Variants in GPC5 observed in about 807,000 individuals in gnomAD.
The protein encoded by GPC5 is glypican-5.
Under a neutral mutation model 53.9 loss-of-function variants are expected in GPC5, and 47 were observed. The ratio of observed to expected loss-of-function variants is 0.87; its 90% CI spans 0.69 to 1.11. The LOEUF (loss-of-function observed/expected upper bound fraction) is 1.11. GPC5 is among the 50% of genes most tolerant of loss of function. The pLI, the probability that GPC5 is intolerant of heterozygous loss-of-function variation, is 0.00. For synonymous variants in GPC5, 286 were observed against 263.3 expected (o/e 1.09, Z -0.84); for missense variants, 748 against 713.1 (o/e 1.05, Z -0.56).
At chr13:91,616,322 C>T (rs2033694924) in intron 2 of GPC5, among the ~76,000 whole-genome samples, 1 of 152,154 alleles carries the variant, frequency 6.6e-6, no homozygotes, top group Admixed American at 6.5e-5. Flanking sequence ...CAAATCAAGA[C>T]TTGGTAAAAT....
intron 7 of GPC5, among the ~76,000 whole-genome samples, chr13:92,385,585 A>C (rs1874638934): frequency 7.2e-6 from 1 of 138,862 alleles, no homozygotes; most frequent in South Asian, 2.2e-4. Context: ...TATATAATAT[A>C]TACGCATATA....
At chr13:92,841,440 A>C (rs1220812918) in intron 7 of GPC5, among the ~76,000 whole-genome samples, 2 of 152,136 alleles carry the variant, frequency 1.3e-5, no homozygotes, top group East Asian at 3.8e-4. Flanking sequence ...GTATATTTTT[A>C]ATACTAATCA....
chr13:91,744,214 G>T (rs752093514), intron 4 of GPC5, among the ~76,000 whole-genome samples: 1 of 152,002 alleles, frequency 6.6e-6, no homozygotes, highest in Non-Finnish European at 1.5e-5. Flanking sequence ...ACATATTTTG[G>T]ATGGCATAAT....
At chr13:92,271,973 C>A (rs71427542) in intron 7 of GPC5, among the ~76,000 whole-genome samples, 1 of 152,128 alleles carries the variant, frequency 6.6e-6, no homozygotes, top group African/African-American at 2.4e-5. Flanking sequence ...AATAGGATGA[C>A]GGGAGTCAAT....
chr13:92,505,124 GTTTAC>G (rs1427709462), intron 7 of GPC5, among the ~76,000 whole-genome samples: 2 of 151,636 alleles, frequency 1.3e-5, no homozygotes, highest in African/African-American at 4.8e-5. Context: ...TAAAGTTACT[GTTTAC>G]TTTAACAGTA....
intron 5 of GPC5, among the ~76,000 whole-genome samples, chr13:91,865,070 C>G (rs1338764244): frequency 6.6e-6 from 1 of 151,868 alleles, no homozygotes; most frequent in East Asian, 1.9e-4. Context: ...TGACACCACA[C>G]CCGGCTAATT....
At chr13:91,422,211 A>G (rs1296733346) in intron 1 of GPC5, among the ~76,000 whole-genome samples, 1 of 152,262 alleles carries the variant, frequency 6.6e-6, no homozygotes, top group Non-Finnish European at 1.5e-5. Context: ...TAGCTTTGGT[A>G]AGGTGCGTAT....
chr13:92,830,316 T>C (rs977220530), intron 7 of GPC5, among the ~76,000 whole-genome samples: 10 of 152,278 alleles, frequency 6.6e-5, no homozygotes, highest in Non-Finnish European at 1.0e-4. Context: ...TGCATATCCT[T>C]GGATCCTACA....
chr13:91,859,667 G>T (rs550486985), intron 5 of GPC5, among the ~76,000 whole-genome samples: 2 of 151,862 alleles, frequency 1.3e-5, no homozygotes, highest in East Asian at 3.9e-4. Context: ...TTACTAGTAT[G>T]TAACAACTTT....
rs534193306 is a variant in GPC5, at chr13:92,160,198, A to G, written c.1561+15209A>G. Among the ~76,000 whole-genome samples, 3 of 152,290 alleles carry G rather than the reference A, an allele frequency of 2.0e-5. No individual in the cohort carries two copies. The South Asian group carries it at 6.2e-4, about 32-fold the overall frequency. ...GTGCTGGGATTATAGGCATGAAAGT[A>G]TCTATGTTCTTTTACATCCTATTTT... is the stretch of plus-strand genomic sequence containing the variant. On this transcript the variant is annotated intron_variant, in intron 7 of 7. Coordinates refer to ENST00000377067, the MANE Select transcript of GPC5 (RefSeq NM_004466.6).
chr13:92,681,367 C>G (rs1049397117), intron 7 of GPC5, among the ~76,000 whole-genome samples: 1 of 151,518 alleles, frequency 6.6e-6, no homozygotes, highest in Non-Finnish European at 1.5e-5. Flanking sequence ...CTGAGTGCCC[C>G]AACCCAATCT....
chr13:92,485,342 T>G (rs1879513526), intron 7 of GPC5, among the ~76,000 whole-genome samples: 1 of 152,210 alleles, frequency 6.6e-6, no homozygotes, highest in African/African-American at 2.4e-5. Context: ...CAAATATTTT[T>G]GGGTGCTAGT....
intron 7 of GPC5, among the ~76,000 whole-genome samples, chr13:92,796,848 C>A (rs868611397): frequency 1.3e-5 from 2 of 151,800 alleles, no homozygotes; most frequent in South Asian, 4.2e-4. Flanking sequence ...CAATAAATAA[C>A]CCTCACATTT....
At chr13:92,030,728 G>C (rs547468250) in intron 6 of GPC5, among the ~76,000 whole-genome samples, 1 of 152,154 alleles carries the variant, frequency 6.6e-6, no homozygotes, top group East Asian at 1.9e-4. Context: ...CCCGTCTACT[G>C]GGACAAGTGC....
rs1226825027 is a variant in GPC5, at chr13:91,879,095, G to GA, written c.1281-28834dup. On this transcript the variant is annotated intron_variant, in intron 5 of 7. Transcript: ENST00000377067. ...ACTTATAACTGAAGTATTAGTTTTTGAAAAAAAACTATTATCATGTACTCT... is the reference window on the plus strand; with the variant it reads ...ACTTATAACTGAAGTATTAGTTTTTGAAAAAAAAACTATTATCATGTACTCT... Among the ~76,000 whole-genome samples, 8 of 150,936 alleles carry GA rather than the reference G, an allele frequency of 5.3e-5. No homozygotes were observed. In the East Asian group the frequency reaches 7.8e-4, roughly 15 times the overall value.
chr13:92,230,369 A>G (rs1467938416), intron 7 of GPC5, among the ~76,000 whole-genome samples: 1 of 152,176 alleles, frequency 6.6e-6, no homozygotes, highest in Non-Finnish European at 1.5e-5. Context: ...ATTGTATGTA[A>G]TACTGGTTAC....
chr13:91,809,759 T>G (rs2038280877), intron 5 of GPC5, among the ~76,000 whole-genome samples: 1 of 152,038 alleles, frequency 6.6e-6, no homozygotes, highest in Non-Finnish European at 1.5e-5. Flanking sequence ...TGTTGAAACA[T>G]ATACTGAATA....
chr13:91,708,088 G>A (rs1287751040), intron 3 of GPC5, among the ~76,000 whole-genome samples: 1 of 152,126 alleles, frequency 6.6e-6, no homozygotes, highest in East Asian at 1.9e-4. Flanking sequence ...TAATGAATTG[G>A]TCAGTGCCAG....
intron 7 of GPC5, among the ~76,000 whole-genome samples, chr13:92,485,601 G>A (rs1373712371): frequency 1.3e-5 from 2 of 152,150 alleles, no homozygotes; most frequent in African/African-American, 2.4e-5. Context: ...TTGTTTAATG[G>A]AATAATCAAG....
Sources: allele counts gnomAD v4.1 joint callset (sites outside exome capture counted in the v4.1 genomes callset), GRCh38; gene constraint gnomAD v4.1.1; transcripts MANE v1.5; gene names NCBI Gene and HGNC (gene_info 2026-07-23, HGNC 2026-07-21).